Variants in ABCB1 observed in about 807,000 individuals in gnomAD.
ABCB1 encodes ATP-dependent translocase ABCB1.
ABCB1 carries 69 observed loss-of-function variants against 142.0 expected under a neutral mutation model. That is an observed-to-expected ratio of 0.49 (90% CI 0.40 to 0.59). The LOEUF (loss-of-function observed/expected upper bound fraction) is 0.59, where lower values mean the gene tolerates loss of function less well. Ranked by LOEUF, ABCB1 falls within the 20% of genes least tolerant of loss-of-function variation. The pLI is 0.00. For missense variants in ABCB1, 1,326 were observed against 1,554.7 expected, an observed-to-expected ratio of 0.85 and a Z score of 2.47; for synonymous variants, 532 against 539.2, an observed-to-expected ratio of 0.99 and a Z score of 0.18.
rs1824128599 is a variant in ABCB1 at position 87,656,593 on chromosome 7, T to A, written c.-330-55515A>T. On this transcript the variant is annotated intron_variant, in intron 1 of 28. Coordinates refer to the ABCB1 transcript ENST00000265724. ...GGAAGATAAAGGGGGAGGAGGAAAA[T>A]AGAATAAAGAAGAGAAAGACGTTAG... Among the ~76,000 whole-genome samples, 7 of 151,806 alleles carry A rather than the reference T, an allele frequency of 4.6e-5. No homozygotes were observed. The South Asian group carries it at 1.5e-3, about 32-fold the overall frequency.
intron 26 of ABCB1, among the ~76,000 whole-genome samples, chr7:87,506,972 T>C (rs1814781579): frequency 6.6e-6 from 1 of 152,110 alleles, no homozygotes; most frequent in Admixed American, 6.6e-5. Context: ...AGCACTGAAG[T>C]GTATCTCATG....
intron 1 of ABCB1, among the ~76,000 whole-genome samples, chr7:87,620,447 G>T (rs550989321): frequency 6.6e-6 from 1 of 151,880 alleles, no homozygotes; most frequent in African/African-American, 2.4e-5. Context: ...CGAGTAACTC[G>T]TTTCTAATTG....
At chr7:87,518,881 C>T (rs1368858614) in intron 23 of ABCB1, 1 of 163,916 alleles carries the variant, frequency 6.1e-6, no homozygotes, top group Non-Finnish European at 1.3e-5. Flanking sequence ...TGGCTCTTAC[C>T]TTCCAATTCC....
upstream of ABCB1, among the ~76,000 whole-genome samples, chr7:87,603,812 G>A (rs912761668): frequency 7.9e-5 from 12 of 152,146 alleles, no homozygotes; most frequent in African/African-American, 2.2e-4. Flanking sequence ...AGGTTTGAAC[G>A]GGTTACTTAA....
intron 25 of ABCB1, among the ~76,000 whole-genome samples, chr7:87,511,502 T>C (rs575180464): frequency 1.3e-5 from 2 of 152,330 alleles, no homozygotes; most frequent in South Asian, 4.1e-4. Context: ...AAATAATAAT[T>C]GATTTTTAAA....
intron 1 of ABCB1, among the ~76,000 whole-genome samples, chr7:87,658,390 C>T (rs1365512542): frequency 1.3e-5 from 2 of 152,052 alleles, no homozygotes; most frequent in African/African-American, 4.8e-5. Flanking sequence ...TGAACAGAGC[C>T]TCAGGGACCT....
rs570807454 is a variant in ABCB1, at chr7:87,614,630, T to C, written c.-330-13552A>G. Among the ~76,000 whole-genome samples, 3 of 152,320 alleles carry C rather than the reference T, an allele frequency of 2.0e-5. No individual in the cohort carries two copies. In the South Asian group the frequency reaches 6.2e-4, roughly 32 times the overall value. ...ATCTTGTGTAACAAGAGTGTTGCGATCTAAAATAAAGCAAACTGAGATGTG... is the reference window on the plus strand; with the variant it reads ...ATCTTGTGTAACAAGAGTGTTGCGACCTAAAATAAAGCAAACTGAGATGTG... On this transcript the variant is annotated intron_variant, in intron 1 of 28. Coordinates refer to the ABCB1 transcript ENST00000265724.
At chr7:87,525,781 G>A (rs6971424) in intron 21 of ABCB1, among the ~76,000 whole-genome samples, 173 of 152,140 alleles carry the variant, frequency 1.1e-3, no homozygotes, top group African/African-American at 4.0e-3. Context: ...TGGAAGGGGA[G>A]GCGGGAAAGG....
intron 25 of ABCB1, among the ~76,000 whole-genome samples, chr7:87,513,757 C>T (rs1264967758): frequency 1.3e-5 from 2 of 152,212 alleles, no homozygotes; most frequent in African/African-American, 4.8e-5. Context: ...TCTCCTTTAA[C>T]TCACAAAACT....
chr7:87,686,962 AAAAG>A (rs1307423687), intron 1 of ABCB1, among the ~76,000 whole-genome samples: 8 of 151,882 alleles, frequency 5.3e-5, no homozygotes, highest in African/African-American at 1.9e-4. Context: ...AAAAAAAAAA[AAAAG>A]AAAGAAAAGA....
intron 1 of ABCB1, among the ~76,000 whole-genome samples, chr7:87,628,233 T>C (rs987352333): frequency 6.6e-6 from 1 of 152,170 alleles, no homozygotes; most frequent in South Asian, 2.1e-4. Context: ...GAGCCCAGCG[T>C]CCTTGACAGC....
At chr7:87,645,360 AG>A (rs1822900466) in intron 1 of ABCB1, among the ~76,000 whole-genome samples, 1 of 152,132 alleles carries the variant, frequency 6.6e-6, no homozygotes, top group Admixed American at 6.5e-5. Flanking sequence ...CAGGTATTAC[AG>A]GGTTGAGCCA....
At position 87,633,951 on chromosome 7, in the gene ABCB1, G is replaced by A. The variant is rs531363060; in HGVS notation, c.-330-32873C>T. On this transcript the variant is annotated intron_variant, in intron 1 of 28. Transcript: ENST00000265724. ...CAGTTCTGTAGGTTGTACAAAAACC[G>A]TGGCCCCGGCATCTGCTGAGCTTCT... Among the ~76,000 whole-genome samples the A allele has an allele frequency of 5.3e-5, 8 of 152,292 alleles. No individual in the cohort carries two copies. In the South Asian group the frequency reaches 1.2e-3, roughly 24 times the overall value.
intron 1 of ABCB1, among the ~76,000 whole-genome samples, chr7:87,675,085 G>A (rs1167102786): frequency 6.6e-6 from 1 of 152,232 alleles, no homozygotes; most frequent in Non-Finnish European, 1.5e-5. Flanking sequence ...AGTCTGTGGT[G>A]AGAGCGGGCC....
intron 1 of ABCB1, among the ~76,000 whole-genome samples, chr7:87,652,410 C>G (rs985926838): frequency 7.2e-5 from 11 of 151,972 alleles, no homozygotes; most frequent in African/African-American, 2.7e-4. Context: ...AGATCACACC[C>G]CTTCAGAATT....
intron 7 of ABCB1, among the ~76,000 whole-genome samples, chr7:87,563,165 A>C (rs1817640878): frequency 6.6e-6 from 1 of 152,224 alleles, no homozygotes; most frequent in Non-Finnish European, 1.5e-5. Context: ...TTGAGGCAGT[A>C]ATAATAGCTT....
intron 4 of ABCB1, 120 bp downstream of exon 4, chr7:87,585,388 ACTGT>A: frequency 1.1e-6 from 1 of 917,754 alleles, no homozygotes; most frequent in Non-Finnish European, 1.7e-6. Flanking sequence ...TATAACTCAG[ACTGT>A]CTGCCTCCTA....
intron 1 of ABCB1, among the ~76,000 whole-genome samples, chr7:87,685,288 A>G (rs1827346257): frequency 6.6e-6 from 1 of 152,226 alleles, no homozygotes; most frequent in African/African-American, 2.4e-5. Flanking sequence ...AGCTGAACAG[A>G]TATTTCATCA....
At chr7:87,712,020 T>A (rs1351651107) in intron 1 of ABCB1, among the ~76,000 whole-genome samples, 2 of 152,170 alleles carry the variant, frequency 1.3e-5, no homozygotes, top group African/African-American at 4.8e-5. Context: ...ATCTGGGCAT[T>A]TATTATGACA....
Sources: allele counts gnomAD v4.1 joint callset (sites outside exome capture counted in the v4.1 genomes callset), GRCh38; gene constraint gnomAD v4.1.1; transcripts MANE v1.5; gene names NCBI Gene and HGNC (gene_info 2026-07-23, HGNC 2026-07-21).